MLLT10: variants seen among roughly 807,000 people sequenced by gnomAD.
The protein encoded by MLLT10 is MLLT10 histone lysine methyltransferase DOT1L cofactor.
MLLT10 carries 30 observed loss-of-function variants against 129.1 expected under a neutral mutation model. The observed-to-expected ratio is 0.23, with a 90% CI of 0.17 to 0.32. The LOEUF is 0.32. MLLT10 is among the 10% of genes least tolerant of loss of function. The pLI is 1.00. For synonymous variants in MLLT10, 490 were observed against 446.4 expected (o/e 1.10, Z -1.23); for missense variants, 1,119 against 1,268.3 (o/e 0.88, Z 1.79).
chr10:21,713,152 T>C (rs1016379076), intron 13 of MLLT10, among the ~76,000 whole-genome samples: 2 of 152,186 alleles, frequency 1.3e-5, no homozygotes, highest in Admixed American at 6.5e-5. Context: ...CCTCCTCTCC[T>C]ACCCCTGCAG....
chr10:21,637,016 T>G (rs2047526266), intron 8 of MLLT10, among the ~76,000 whole-genome samples: 1 of 152,200 alleles, frequency 6.6e-6, no homozygotes, highest in Non-Finnish European at 1.5e-5. Context: ...GGCGTTCAGT[T>G]TCAGTAAGAA....
intron 9 of MLLT10, among the ~76,000 whole-genome samples, chr10:21,663,941 GT>G (rs755847878): frequency 6.6e-6 from 1 of 152,118 alleles, no homozygotes. Flanking sequence ...TTTTGTGTTT[GT>G]TTTAGGGCAG....
At chr10:21,738,432 A>T (rs1753550884) in intron 21 of MLLT10, 3 of 1,288,974 alleles carry the variant, frequency 2.3e-6, no homozygotes, top group Non-Finnish European at 2.0e-6. Context: ...TTTCCAGAAC[A>T]TGGTTAAGGA....
At chr10:21,588,572 C>T (rs1001041942) in intron 4 of MLLT10, among the ~76,000 whole-genome samples, 5 of 151,762 alleles carry the variant, frequency 3.3e-5, no homozygotes, top group African/African-American at 1.2e-4. Flanking sequence ...GGAGTTTTGC[C>T]GTTAATTTTG....
chr10:21,590,153 G>T (rs1466162079), intron 4 of MLLT10, among the ~76,000 whole-genome samples: 5 of 152,010 alleles, frequency 3.3e-5, no homozygotes. Context: ...GTTGCCGAGG[G>T]TCGTCTCGAA....
chr10:21,598,682 C>T (rs1294502012), intron 5 of MLLT10, among the ~76,000 whole-genome samples: 2 of 152,078 alleles, frequency 1.3e-5, no homozygotes, highest in East Asian at 1.9e-4. Flanking sequence ...GTCCAGAGTT[C>T]GAAACCAGCC....
intron 5 of MLLT10, among the ~76,000 whole-genome samples, chr10:21,604,954 T>C (rs1197846647): frequency 6.6e-6 from 1 of 151,890 alleles, no homozygotes; most frequent in Admixed American, 6.6e-5. Context: ...TCTTGAGTTA[T>C]GATGAGCTTA....
At chr10:21,686,557 C>G (rs1589639710) in intron 13 of MLLT10, among the ~76,000 whole-genome samples, 1 of 152,174 alleles carries the variant, frequency 6.6e-6, no homozygotes, top group East Asian at 1.9e-4. Flanking sequence ...CTGAAAACAC[C>G]AATTTCAAAA....
At chr10:21,698,388 A>G (rs1458506584) in intron 13 of MLLT10, among the ~76,000 whole-genome samples, 1 of 152,196 alleles carries the variant, frequency 6.6e-6, no homozygotes, top group African/African-American at 2.4e-5. Flanking sequence ...TGTTGTTGGA[A>G]ATGACATGAT....
chr10:21,671,531 T>TAA (rs1395489757), intron 10 of MLLT10, among the ~76,000 whole-genome samples: 1 of 152,142 alleles, frequency 6.6e-6, no homozygotes, highest in Non-Finnish European at 1.5e-5. Flanking sequence ...CTCATGCCTG[T>TAA]AATCCCAGTA....
chr10:21,727,842 T>C lies in MLLT10; in HGVS notation c.1991-14T>C. ...GAGAGTCACTTTATCAGCTCTGAAA[T>C]ATTTACACTACAGATCAAGATCTTG... is the stretch of plus-strand genomic sequence containing the variant. On this transcript the variant is annotated splice_polypyrimidine_tract_variant and intron_variant, in intron 15 of 22. Coordinates refer to ENST00000307729, the MANE Select transcript of MLLT10 (RefSeq NM_001195626.3). 1 of 1,610,738 alleles carries C rather than the reference T, an allele frequency of 6.2e-7. No homozygotes were observed. The highest frequency in any genetic ancestry group is 8.5e-7 in the Non-Finnish European group (1 of 1,177,322).
chr10:21,635,480 CTT>C (rs997880615), intron 8 of MLLT10, among the ~76,000 whole-genome samples: 3 of 152,090 alleles, frequency 2.0e-5, no homozygotes, highest in Non-Finnish European at 2.9e-5. Flanking sequence ...AAGCAATTCT[CTT>C]AGCCTCCCCA....
intron 3 of MLLT10, among the ~76,000 whole-genome samples, chr10:21,547,357 C>T (rs899863619): frequency 2.6e-5 from 4 of 151,460 alleles, no homozygotes; most frequent in Non-Finnish European, 5.9e-5. Flanking sequence ...GTTCTTTTTC[C>T]CTCGCACAAT....
In MLLT10 at chr10:21,742,884, C is replaced by T. The variant is rs560454758; in HGVS notation, c.*901C>T. 4.4e-6 allele frequency: 1 copy of T among 228,870 alleles called. No homozygotes were observed. Among genetic ancestry groups the T allele is most frequent in the African/African-American group, 2.2e-5 (1 of 45,124 alleles). The allele number at this position is 228,870 out of a possible 1,614,324, so 14.2% of individuals were successfully genotyped here. On this transcript the variant is annotated 3_prime_UTR_variant, in exon 23 of 23. Coordinates refer to ENST00000307729, the MANE Select transcript of MLLT10 (RefSeq NM_001195626.3). Reference sequence around the variant, plus strand: ...ACCTGCAGCCTTCCCATGCTTCCGCCTTTATTCAGAACTTTCTGTGCCACT... The same window carrying T: ...ACCTGCAGCCTTCCCATGCTTCCGCTTTTATTCAGAACTTTCTGTGCCACT...
chr10:21,682,156 T>C (rs2052805228), intron 12 of MLLT10, 69 bp from the exon 13 acceptor site: 4 of 1,280,312 alleles, frequency 3.1e-6, no homozygotes, highest in Admixed American at 1.9e-5. Flanking sequence ...ATTCAGTGTA[T>C]GGCTATGTAT....
intron 11 of MLLT10, among the ~76,000 whole-genome samples, chr10:21,675,595 A>G (rs566233176): frequency 1.3e-5 from 2 of 152,386 alleles, no homozygotes; most frequent in Admixed American, 1.3e-4. Flanking sequence ...CTTTGAAACT[A>G]GAAGGGCTTA....
In MLLT10 at chr10:21,627,195, A is replaced by C. The variant is rs188819465; in HGVS notation, c.699+9988A>C. ...GTCCTTCGCTCTACCCTCCTTTGCT[A>C]TCTCTCTCACTCTCTTTCTCCTCTA... On this transcript the variant is annotated intron_variant, in intron 8 of 22. Transcript: ENST00000307729. Among the ~76,000 whole-genome samples the C allele has an allele frequency of 8.3e-3, 1,258 of 152,138 alleles. 14 individuals are homozygous for C. Among genetic ancestry groups the C allele is most frequent in the Non-Finnish European group, 0.013 (851 of 67,988 alleles).
chr10:21,652,033 C>A (rs1424504825), intron 9 of MLLT10, among the ~76,000 whole-genome samples: 20 of 149,202 alleles, frequency 1.3e-4, no homozygotes, highest in Non-Finnish European at 2.8e-4. Flanking sequence ...CTGCCTCAGA[C>A]TCCCGAGTAG....
chr10:21,649,494 C>T (rs1373443429), intron 8 of MLLT10, among the ~76,000 whole-genome samples: 6 of 152,340 alleles, frequency 3.9e-5, no homozygotes, highest in East Asian at 1.9e-4. Context: ...GCTTATTAAG[C>T]GGTGGGCTCA....
Sources: allele counts gnomAD v4.1 joint callset (sites outside exome capture counted in the v4.1 genomes callset), GRCh38; gene constraint gnomAD v4.1.1; transcripts MANE v1.5; gene names NCBI Gene and HGNC (gene_info 2026-07-23, HGNC 2026-07-21).